The following SNX25 variants were observed in gnomAD, a reference collection of about 807,000 sequenced individuals.
SNX25 encodes the protein sorting nexin-25.
SNX25 carries 62 observed loss-of-function variants against 113.7 expected under a neutral mutation model. The observed-to-expected ratio is 0.55, with a 90% CI of 0.44 to 0.67. The LOEUF (loss-of-function observed/expected upper bound fraction) is 0.67. SNX25 is among the 30% of genes least tolerant of loss of function. The pLI, the probability that SNX25 is intolerant of heterozygous loss-of-function variation, is 0.00. For synonymous variants in SNX25, 421 were observed against 436.2 expected, an observed-to-expected ratio of 0.97 and a Z score of 0.43; for missense variants, 1,014 against 1,161.0, an observed-to-expected ratio of 0.87 and a Z score of 1.84.
intron 12 of SNX25, among the ~76,000 whole-genome samples, chr4:185,342,524 A>G (rs182468514): frequency 1.1e-3 from 163 of 151,712 alleles, no homozygotes; most frequent in Admixed American, 1.8e-3. Context: ...ATTCTATCAC[A>G]TATACAAGGG....
rs1045402128 is a variant in SNX25, at chr4:185,334,629, T to C, written c.1914+1870T>C. On this transcript the variant is annotated intron_variant, in intron 10 of 18. Transcript: ENST00000652585. The surrounding 1 kb of genome is among the most constrained non-coding windows in gnomAD (Gnocchi z 4.2). ...GGATTCATCTCATTATAAATTAAAA[T>C]GCATCTATGGGTAACAGTATGAAAG... 6.6e-6 allele frequency among the ~76,000 whole-genome samples: 1 copy of C among 152,246 alleles called. No homozygotes were observed. Among genetic ancestry groups the C allele is most frequent in the African/African-American group, 2.4e-5 (1 of 41,464 alleles).
chr4:185,215,607 T>C (rs1385812759), intron 1 of SNX25, among the ~76,000 whole-genome samples: 1 of 152,228 alleles, frequency 6.6e-6, no homozygotes, highest in East Asian at 1.9e-4. Context: ...TGTGATAAAC[T>C]AATCCTCAGT....
chr4:185,378,548 A>C, the SNX25 span: 3 of 1,033,738 alleles, frequency 2.9e-6, no homozygotes, highest in Non-Finnish European at 3.5e-6. Flanking sequence ...GACACTGCCC[A>C]CAGTCAGAGC....
chr4:185,331,642 G>A (rs1438662522), intron 9 of SNX25, among the ~76,000 whole-genome samples: 4 of 152,028 alleles, frequency 2.6e-5, no homozygotes, highest in African/African-American at 4.8e-5. Flanking sequence ...TTAGCTGGAC[G>A]TAGTGGTGGG....
chr4:185,342,222 G>A (rs1188333978), intron 12 of SNX25, 106 bp downstream of exon 12: 2 of 1,268,942 alleles, frequency 1.6e-6, no homozygotes, highest in African/African-American at 3.1e-5. Flanking sequence ...TGTTGATACT[G>A]GCACAGTGGC....
At chr4:185,343,827 C>A (rs958908325) in intron 12 of SNX25, among the ~76,000 whole-genome samples, 1 of 152,098 alleles carries the variant, frequency 6.6e-6, no homozygotes, top group Non-Finnish European at 1.5e-5. Flanking sequence ...TAGAAAGAAG[C>A]CATCATAATA....
At chr4:185,284,651 G>A (rs768079586) in intron 5 of SNX25, among the ~76,000 whole-genome samples, 52 of 152,292 alleles carry the variant, frequency 3.4e-4, no homozygotes, top group Middle Eastern at 6.8e-3. Flanking sequence ...CAGGAATGTG[G>A]GGTTATTCAT....
intron 14 of SNX25, 120 bp downstream of exon 14, chr4:185,351,729 G>A (rs888359302): frequency 1.4e-5 from 14 of 1,030,460 alleles, no homozygotes; most frequent in Non-Finnish European, 1.7e-5. Context: ...CACATTTTGA[G>A]GCACCTGCTT....
chr4:185,216,409 A>G (rs1176610643), intron 1 of SNX25, among the ~76,000 whole-genome samples: 1 of 152,150 alleles, frequency 6.6e-6, no homozygotes, highest in Non-Finnish European at 1.5e-5. Context: ...GTTGTATATG[A>G]ATAGTGATAA....
At chr4:185,361,589 TCAGCCAGGCATGGTGG>T (rs2095364274) in intron 16 of SNX25, among the ~76,000 whole-genome samples, 1 of 151,746 alleles carries the variant, frequency 6.6e-6, no homozygotes, top group Non-Finnish European at 1.5e-5. Context: ...AATACAAAAA[TCAGCCAGGCATGGTGG>T]CACGTGCCTG....
intron 1 of SNX25, among the ~76,000 whole-genome samples, chr4:185,243,108 G>A (rs1164519536): frequency 6.6e-6 from 1 of 152,130 alleles, no homozygotes; most frequent in Non-Finnish European, 1.5e-5. Context: ...AGAATAATAG[G>A]TAGGGGTTTT....
chr4:185,275,525 A>G (rs1749555825), intron 5 of SNX25, among the ~76,000 whole-genome samples: 1 of 152,198 alleles, frequency 6.6e-6, no homozygotes, highest in African/African-American at 2.4e-5. Context: ...TAGCTATTAA[A>G]GGAATGGATT....
chr4:185,220,039 C>A (rs978733842), intron 1 of SNX25, among the ~76,000 whole-genome samples: 1 of 151,342 alleles, frequency 6.6e-6, no homozygotes, highest in Admixed American at 6.6e-5. Context: ...AGGTCTCATT[C>A]TTCATTCTGT....
At chr4:185,342,834 G>A (rs1241409178) in intron 12 of SNX25, among the ~76,000 whole-genome samples, 1 of 152,178 alleles carries the variant, frequency 6.6e-6, no homozygotes, top group Non-Finnish European at 1.5e-5. Context: ...CTGACTCTCA[G>A]CTCTACTCTT....
chr4:185,378,436 T>G, the SNX25 span: 1 of 1,313,830 alleles, frequency 7.6e-7, no homozygotes, highest in Non-Finnish European at 9.7e-7. Context: ...CAGCATCGCA[T>G]TCACCATGAG....
chr4:185,214,048 T>C (rs190572712), intron 1 of SNX25, among the ~76,000 whole-genome samples: 27 of 152,010 alleles, frequency 1.8e-4, no homozygotes, highest in Non-Finnish European at 3.2e-4. Flanking sequence ...GTTTAATTAT[T>C]TCTCTCTCTC....
downstream of SNX25, chr4:185,370,907 G>A: frequency 7.4e-7 from 1 of 1,349,622 alleles, no homozygotes; most frequent in South Asian, 1.3e-5. Context: ...TGTGCCTGAA[G>A]TGATTTCTCT....
In SNX25 at chr4:185,322,116, C is replaced by T. The variant is rs535427285; in HGVS notation, c.1476+1252C>T. On this transcript the variant is annotated intron_variant, in intron 8 of 18. Transcript: ENST00000652585. ...ATGTGACATATGTGATCAGTATATACTATTGTAAGAGGTTTATTAAAATAA... is the reference window on the plus strand; with the variant it reads ...ATGTGACATATGTGATCAGTATATATTATTGTAAGAGGTTTATTAAAATAA... Among the ~76,000 whole-genome samples the T allele has an allele frequency of 3.9e-5, 6 of 152,206 alleles. No individual in the cohort carries two copies. In the South Asian group the frequency reaches 1.2e-3, roughly 32 times the overall value.
chr4:185,249,774 AT>A (rs1553990614), intron 2 of SNX25, among the ~76,000 whole-genome samples: 4 of 151,738 alleles, frequency 2.6e-5, no homozygotes, highest in Non-Finnish European at 5.9e-5. Flanking sequence ...TAGAATTTCC[AT>A]TTGGTTCTTT....
Sources: allele counts gnomAD v4.1 joint callset (sites outside exome capture counted in the v4.1 genomes callset), GRCh38; gene constraint gnomAD v4.1.1; non-coding constraint Gnocchi (gnomAD v3.1); transcripts MANE v1.5; gene names NCBI Gene and HGNC (gene_info 2026-07-23, HGNC 2026-07-21).